Variants in THBS3 observed in about 807,000 individuals in gnomAD.
THBS3 encodes thrombospondin 3.
In THBS3, 78 loss-of-function variants were observed where a neutral mutation model predicts 118.3. The observed-to-expected ratio is 0.66, with a 90% CI of 0.55 to 0.80. The LOEUF is 0.80. Ranked by LOEUF, THBS3 falls within the 30% of genes least tolerant of loss-of-function variation. The probability of loss-of-function intolerance (pLI) is 0.00; values close to 1 mark genes in which losing one functional copy is unlikely to be tolerated. For missense variants in THBS3, 1,057 were observed against 1,247.4 expected (o/e 0.85, Z 2.30); for synonymous variants, 427 against 475.3 (o/e 0.90, Z 1.32).
Position 155,201,021 on chromosome 1 carries a change from G to A in THBS3, c.1441-17C>T, listed in dbSNP as rs1243032369. On this transcript the variant is annotated splice_polypyrimidine_tract_variant and intron_variant, in intron 12 of 22. Coordinates refer to ENST00000368378, the MANE Select transcript of THBS3 (RefSeq NM_007112.5). The stretch of plus-strand genomic sequence containing the variant: ...GCAGTTGTCCTAAAGTTCAGGGGAA[G>A]AGGATGGATGAGTTCTGGCCTGACC... The A allele has an allele frequency of 6.2e-7, 1 of 1,614,252 alleles. No individual in the cohort carries two copies.
rs138533259 is a variant in THBS3 at position 155,197,181 on chromosome 1, G to A, written c.2532C>T (p.His844=). The change falls in exon 21 of 23, where the codon CAC becomes CAT. Residue 844 remains histidine, a synonymous_variant. Coordinates refer to ENST00000368378, the MANE Select transcript of THBS3 (RefSeq NM_007112.5). The surrounding 1 kb of genome is among the most constrained non-coding windows in gnomAD (Gnocchi z 5.0). Reference sequence around the variant, plus strand: ...CAGTATGCCACAGGGCATTTCGGAGGTGCTCACCTGGGCCAGACACTGATG... The same window carrying A: ...CAGTATGCCACAGGGCATTTCGGAGATGCTCACCTGGGCCAGACACTGATG... ...AVTSVSGPGE[H]LRNALWHTGH... 8.1e-6 allele frequency: 13 copies of A among 1,614,172 alleles called. No individual in the cohort carries two copies. The highest frequency in any genetic ancestry group is 1.1e-5 in the South Asian group (1 of 91,088).
At position 155,204,604 on chromosome 1, in the gene THBS3, C is replaced by G. The variant is rs373269534; in HGVS notation, c.646+251G>C. ...CATCACCAAAAAAAAAAAAAATACT[C>G]GAGACCAGTATCTCTTGGTCAGCCA... On this transcript the variant is annotated intron_variant, in intron 4 of 22. Transcript: ENST00000368378. 1.8e-4 allele frequency among the ~76,000 whole-genome samples: 27 copies of G among 151,610 alleles called. 1 individual carries two copies. Among genetic ancestry groups the G allele is most frequent in the African/African-American group, 6.3e-4 (26 of 41,430 alleles).
In THBS3 at chr1:155,206,490, C is replaced by G. The variant is rs966647294; in HGVS notation, c.80-84G>C. 4.1e-6 allele frequency: 5 copies of G among 1,214,792 alleles called. No homozygotes were observed. The Admixed American group carries it at 7.9e-5, about 19-fold the overall frequency. 75.3% of individuals were successfully genotyped at this position (1,214,792 alleles called of 1,614,324 possible). A position where few individuals can be genotyped will look rare whatever the true frequency, so the allele number is the denominator to read the frequency against. ...CCCCCGAGCCCACATCACCCCCTAC[C>G]CCCACCACCAGGCAGCGTTAGTCAC... On this transcript the variant is annotated intron_variant, in intron 1 of 22. Coordinates refer to ENST00000368378, the MANE Select transcript of THBS3 (RefSeq NM_007112.5). The surrounding 1 kb of genome is among the most constrained non-coding windows in gnomAD (Gnocchi z 4.2).
chr1:155,201,445 A>G lies in THBS3; in HGVS notation c.1301T>C (p.Phe434Ser). 1 of 1,611,964 alleles carries G rather than the reference A, an allele frequency of 6.2e-7. No homozygotes were observed. Among genetic ancestry groups the G allele is most frequent in the Non-Finnish European group, 8.5e-7 (1 of 1,178,834 alleles). Reference sequence around the variant, plus strand: ...GCAGGACACTGCACCATTGCGTTCAAAGAGACAGTGAGCATGGATGTGGCA... The same window carrying G: ...GCAGGACACTGCACCATTGCGTTCAGAGAGACAGTGAGCATGGATGTGGCA... ...SPCHIHAHCL[F>S]ERNGAVSCQC... The change falls in exon 11 of 23, where the codon TTT (phenylalanine) becomes TCT (serine). Residue 434 changes from phenylalanine to serine, a missense_variant. Coordinates refer to ENST00000368378, the MANE Select transcript of THBS3 (RefSeq NM_007112.5).
intron 13 of THBS3, 84 bp from the exon 14 acceptor site, chr1:155,200,694 T>C: frequency 6.3e-7 from 1 of 1,575,712 alleles, no homozygotes; most frequent in Non-Finnish European, 8.6e-7. Context: ...TGTATCCTTT[T>C]CTAAGATCAC....
upstream of THBS3, chr1:155,208,045 A>G (rs932991513): frequency 2.3e-5 from 14 of 602,076 alleles, no homozygotes; most frequent in East Asian, 3.4e-4. Context: ...AGGCATCATC[A>G]GCTCTGGGAA....
rs1207175724 is a variant in THBS3, at chr1:155,206,017, C to T, written c.286+183G>A. Reference sequence around the variant, plus strand: ...TCAAGCCTCACCCTATTGTTTGGTACATGGGCTCCTAAAGCACCTTATAAG... The same window carrying T: ...TCAAGCCTCACCCTATTGTTTGGTATATGGGCTCCTAAAGCACCTTATAAG... On this transcript the variant is annotated intron_variant, in intron 2 of 22. Coordinates refer to ENST00000368378, the MANE Select transcript of THBS3 (RefSeq NM_007112.5). The surrounding 1 kb of genome is among the most constrained non-coding windows in gnomAD (Gnocchi z 4.2). 1.3e-5 allele frequency among the ~76,000 whole-genome samples: 2 copies of T among 152,210 alleles called. No individual in the cohort carries two copies. Among genetic ancestry groups the T allele is most frequent in the African/African-American group, 4.8e-5 (2 of 41,450 alleles).
Position 155,202,767 on chromosome 1 carries a change from C to G in THBS3, c.957+45G>C, listed in dbSNP as rs772676592. ...ACCCTCTTGGGTGCCTCCTGACATCCTCACCCCAGTTTTCTGTACCCTTCT... is the reference window on the plus strand; with the variant it reads ...ACCCTCTTGGGTGCCTCCTGACATCGTCACCCCAGTTTTCTGTACCCTTCT... On this transcript the variant is annotated intron_variant, in intron 8 of 22. Transcript: ENST00000368378. The surrounding 1 kb of genome is among the most constrained non-coding windows in gnomAD (Gnocchi z 5.5). The G allele has an allele frequency of 1.3e-6, 2 of 1,572,014 alleles. No individual in the cohort carries two copies.
At chr1:155,200,836 G>A in intron 13 of THBS3, 61 bp downstream of exon 13, 2 of 1,613,202 alleles carry the variant, frequency 1.2e-6, no homozygotes, top group Non-Finnish European at 1.7e-6. Context: ...GGTAAGTGAG[G>A]CACAGAGAGG....
intron 16 of THBS3, 23 bp downstream of exon 16, chr1:155,199,781 G>T (rs774037473): frequency 6.2e-7 from 1 of 1,613,674 alleles, no homozygotes; most frequent in Non-Finnish European, 8.5e-7. Flanking sequence ...GAAAGACCTT[G>T]CGTCTCTTGA....
chr1:155,197,501 G>T lies in THBS3; in HGVS notation c.2461C>A (p.Pro821Thr), dbSNP rs1406268852. 3 of 1,614,044 alleles carry T rather than the reference G, an allele frequency of 1.9e-6. No individual in the cohort carries two copies. Among genetic ancestry groups the T allele is most frequent in the Non-Finnish European group, 1.7e-6 (2 of 1,180,016 alleles). The change falls in exon 20 of 23, where the codon CCC becomes ACC. Residue 821 changes from proline (P) to threonine (T), a missense_variant. Coordinates refer to ENST00000368378, the MANE Select transcript of THBS3 (RefSeq NM_007112.5). This position sits in a 1 kb window ranked among gnomAD's most constrained non-coding sequence, Gnocchi z 5.0. The stretch of plus-strand genomic sequence containing the variant: ...CCGGGCTGGGCAACCGCCCGGAAGG[G>T]TGTAGCCTGCCAGTAGGTCTGCTCG... ...QTEQTYWQAT[P>T]FRAVAQPGLQ...
intron 4 of THBS3, 180 bp downstream of exon 4, chr1:155,204,675 C>T (rs1367571052): frequency 1.4e-5 from 9 of 624,302 alleles, no homozygotes; most frequent in Admixed American, 5.8e-5. Context: ...CTTTTTTTCT[C>T]GGATGGGTGT....
intron 16 of THBS3, 68 bp downstream of exon 16, chr1:155,199,736 C>G: frequency 1.9e-6 from 3 of 1,571,018 alleles, no homozygotes; most frequent in South Asian, 2.2e-5. Flanking sequence ...GCCTAGGTGA[C>G]AGAGCAAGAC....
intron 21 of THBS3, 113 bp from the exon 22 acceptor site, chr1:155,196,239 TGA>T: frequency 7.7e-7 from 1 of 1,290,516 alleles, no homozygotes; most frequent in Non-Finnish European, 1.1e-6. Context: ...TCACCAGGCC[TGA>T]GAGAGAAGGG....
chr1:155,209,011 G>A (rs954498050), upstream of THBS3: 5 of 1,589,562 alleles, frequency 3.1e-6, no homozygotes, highest in South Asian at 4.5e-5. Flanking sequence ...GCGCCGGGCC[G>A]ACAGCGCTGT....
Position 155,198,197 on chromosome 1 carries a change from C to T in THBS3, c.2098G>A (p.Glu700Lys). The change falls in exon 18 of 23, where the codon GAG becomes AAG. Residue 700 changes from glutamate (E) to lysine (K), a missense_variant. By Grantham distance (56) the Glu-to-Lys change is moderately conservative. Transcript: ENST00000368378. ...ACAGCATCATTGTCAAAGTCATCCT[C>T]ACACACATCACCAACGCCATTGCCT... ...SDGNGVGDVC[E>K]DDFDNDAVVD... 6.2e-7 allele frequency: 1 copy of T among 1,614,194 alleles called. No individual in the cohort carries two copies. Among genetic ancestry groups the T allele is most frequent in the Non-Finnish European group, 8.5e-7 (1 of 1,180,036 alleles).
At chr1:155,196,590 A>G (rs1476976154) in intron 21 of THBS3, 3 of 212,704 alleles carry the variant, frequency 1.4e-5, no homozygotes, top group Admixed American at 1.0e-4. Flanking sequence ...ATCTCCACCA[A>G]CTAGGGCTAC....
chr1:155,203,575 G>GGTGAA, intron 4 of THBS3, 36 bp from the exon 5 acceptor site: 1 of 1,612,384 alleles, frequency 6.2e-7, no homozygotes, highest in South Asian at 1.1e-5. Flanking sequence ...AGAGGGGTGA[G>GGTGAA]GTGAAGTGAA....
Position 155,200,071 on chromosome 1 carries a change from G to A in THBS3, c.1751C>T (p.Pro584Leu). ...GTCCTCATCCCTGTCTGTCTGTAGT[G>A]GGTTGGGGACTTTAGGGCAATTGTC... ...GLDNCPKVPN[P>L]LQTDRDEDGV... Residue 584 changes from proline (P) to leucine (L), a missense_variant, in exon 15 of 23, where the codon CCA (proline) becomes CTA (leucine). Around this residue, in one of 3 missense-constraint regions of THBS3, gnomAD observed 544 missense variants for 715.6 expected, o/e 0.76. Coordinates refer to ENST00000368378, the MANE Select transcript of THBS3 (RefSeq NM_007112.5). The A allele has an allele frequency of 2.5e-6, 4 of 1,597,278 alleles. No individual in the cohort carries two copies. Among genetic ancestry groups the A allele is most frequent in the Non-Finnish European group, 3.4e-6 (4 of 1,171,500 alleles).
Sources: gnomAD v4.1 joint callset for allele counts (sites outside exome capture counted in the v4.1 genomes callset) on GRCh38, gnomAD v4.1.1 for gene constraint, gnomAD v4.1.1 regional missense constraint, Gnocchi (gnomAD v3.1) non-coding constraint, MANE v1.5 for transcripts, NCBI Gene and HGNC (gene_info 2026-07-23, HGNC 2026-07-21) for gene names.